The following FSTL4 variants were observed in gnomAD, a reference collection of about 807,000 sequenced individuals.
FSTL4 encodes follistatin-related protein 4.
FSTL4 carries 28 observed loss-of-function variants against 78.2 expected under a neutral mutation model. The observed-to-expected ratio is 0.36, with a 90% CI of 0.27 to 0.49. The LOEUF (loss-of-function observed/expected upper bound fraction) is 0.49, where lower values mean the gene tolerates loss of function less well. Ranked by LOEUF, FSTL4 falls within the 20% of genes least tolerant of loss-of-function variation. FSTL4 has a pLI of 0.98. For missense variants in FSTL4, 922 were observed against 1,084.9 expected (o/e 0.85, Z 2.11); for synonymous variants, 422 against 440.5 (o/e 0.96, Z 0.53).
intron 6 of FSTL4, among the ~76,000 whole-genome samples, chr5:133,262,947 G>A (rs1752567444): frequency 6.6e-6 from 1 of 152,046 alleles, no homozygotes; most frequent in Non-Finnish European, 1.5e-5. Flanking sequence ...CGGGGGGTGG[G>A]TGATAGAGGA....
chr5:133,787,556 A>ACCCCCCCCCCCCC, the FSTL4 span, among the ~76,000 whole-genome samples: 1 of 149,930 alleles, frequency 6.7e-6, no homozygotes, highest in African/African-American at 2.5e-5. Flanking sequence ...AAGGGAGGCC[A>ACCCCCCCCCCCCC]CCCTCCCCGC....
At chr5:133,774,034 T>C in the FSTL4 span, among the ~76,000 whole-genome samples, 1 of 152,184 alleles carries the variant, frequency 6.6e-6, no homozygotes, top group Non-Finnish European at 1.5e-5. Flanking sequence ...AGAGCAATGG[T>C]GATTATGAAA....
chr5:133,590,875 A>G (rs1760609641), intron 2 of FSTL4, among the ~76,000 whole-genome samples: 1 of 152,204 alleles, frequency 6.6e-6, no homozygotes, highest in Non-Finnish European at 1.5e-5. Flanking sequence ...GCATACTCCC[A>G]TGGTGAAAGG....
the FSTL4 span, among the ~76,000 whole-genome samples, chr5:133,740,786 T>C: frequency 1.3e-5 from 2 of 152,112 alleles, no homozygotes; most frequent in African/African-American, 4.8e-5. Flanking sequence ...ATTTCCTACT[T>C]CTGGGTGGCT....
Position 133,225,657 on chromosome 5 carries a change from C to G in FSTL4, c.1177+1G>C, listed in dbSNP as rs780611397. ...AGACGTCTACCAAGGGCAGTTCTTA[C>G]CTAAAAGGGAGAGCTGTTTGGACAT... On this transcript the variant is annotated splice_donor_variant, in intron 9 of 15. Coordinates refer to ENST00000265342, the MANE Select transcript of FSTL4 (RefSeq NM_015082.2). LOFTEE classifies it high-confidence loss of function. This position sits in a 1 kb window ranked among gnomAD's most constrained non-coding sequence, Gnocchi z 4.6. 1 of 1,583,896 alleles carries G rather than the reference C, an allele frequency of 6.3e-7. No homozygotes were observed. Among genetic ancestry groups the G allele is most frequent in the Non-Finnish European group, 8.6e-7 (1 of 1,165,740 alleles).
chr5:133,303,248 G>A (rs1233412590), intron 6 of FSTL4, among the ~76,000 whole-genome samples: 2 of 152,228 alleles, frequency 1.3e-5, no homozygotes, highest in Non-Finnish European at 2.9e-5. Context: ...GGCTAGAAGA[G>A]GTGCTCCTTA....
intron 3 of FSTL4, among the ~76,000 whole-genome samples, chr5:133,465,547 G>A (rs1757689756): frequency 6.6e-6 from 1 of 152,204 alleles, no homozygotes; most frequent in Admixed American, 6.5e-5. Context: ...AGGCAGACTA[G>A]CTCTGGGTTC....
chr5:133,278,207 C>A (rs1752930697), intron 6 of FSTL4, among the ~76,000 whole-genome samples: 1 of 152,172 alleles, frequency 6.6e-6, no homozygotes, highest in African/African-American at 2.4e-5. Context: ...CAAGAACGGC[C>A]AGTCTATAGG....
chr5:133,253,600 G>T (rs2126827180), intron 6 of FSTL4, among the ~76,000 whole-genome samples: 1 of 152,234 alleles, frequency 6.6e-6, no homozygotes, highest in Non-Finnish European at 1.5e-5. Flanking sequence ...AGCACCAATG[G>T]GTGCCAAGTC....
intron 2 of FSTL4, among the ~76,000 whole-genome samples, chr5:133,571,630 T>C (rs996743334): frequency 6.6e-6 from 1 of 152,104 alleles, no homozygotes; most frequent in Non-Finnish European, 1.5e-5. Context: ...CACCAAAATC[T>C]CCGAAATCAC....
At chr5:133,259,587 G>C (rs899271086) in intron 6 of FSTL4, among the ~76,000 whole-genome samples, 2 of 146,388 alleles carry the variant, frequency 1.4e-5, no homozygotes, top group Non-Finnish European at 3.0e-5. Context: ...GCACGATCTT[G>C]GCTCATGATC....
intron 14 of FSTL4, 167 bp downstream of exon 14, chr5:133,210,024 G>A: frequency 1.9e-6 from 1 of 533,872 alleles, no homozygotes; most frequent in South Asian, 2.7e-5. Context: ...AATTGCCTGT[G>A]AGGGGCATTG....
the FSTL4 span, among the ~76,000 whole-genome samples, chr5:133,763,938 G>C: frequency 2.0e-5 from 3 of 152,160 alleles, no homozygotes; most frequent in Admixed American, 2.0e-4. Flanking sequence ...CAGAGCCCAA[G>C]CCAGCCCAAG....
chr5:133,806,412 C>A, the FSTL4 span, among the ~76,000 whole-genome samples: 2 of 152,144 alleles, frequency 1.3e-5, no homozygotes, highest in Non-Finnish European at 2.9e-5. Context: ...TCTTTTATCA[C>A]CTTGCAAATG....
At chr5:133,397,714 C>T (rs1399346270) in intron 4 of FSTL4, among the ~76,000 whole-genome samples, 2 of 152,160 alleles carry the variant, frequency 1.3e-5, no homozygotes, top group Non-Finnish European at 2.9e-5. Context: ...CAGCACAACC[C>T]ATCACTTCTC....
intron 3 of FSTL4, among the ~76,000 whole-genome samples, chr5:133,404,810 G>A (rs557045466): frequency 2.4e-4 from 37 of 152,260 alleles, no homozygotes; most frequent in African/African-American, 7.7e-4. Flanking sequence ...AAGCCCCTCC[G>A]TTGTTCTCCC....
intron 4 of FSTL4, among the ~76,000 whole-genome samples, chr5:133,354,000 G>A (rs756748244): frequency 2.0e-4 from 31 of 152,210 alleles, no homozygotes; most frequent in South Asian, 4.1e-4. Context: ...TTGAAAACAG[G>A]CCCCTGCAGC....
intron 1 of FSTL4, among the ~76,000 whole-genome samples, chr5:133,604,209 G>A (rs1055076755): frequency 1.3e-5 from 2 of 152,222 alleles, no homozygotes; most frequent in Middle Eastern, 3.4e-3. Context: ...GCTTTTGTGA[G>A]GATTGAAGGA....
chr5:133,819,368 C>G, the FSTL4 span, among the ~76,000 whole-genome samples: 11 of 152,118 alleles, frequency 7.2e-5, no homozygotes, highest in South Asian at 6.2e-4. Flanking sequence ...AAGCCTCTGT[C>G]TGCTCCCTGC....
Sources: gnomAD v4.1 joint callset for allele counts (sites outside exome capture counted in the v4.1 genomes callset) on GRCh38, gnomAD v4.1.1 for gene constraint, Gnocchi (gnomAD v3.1) non-coding constraint, MANE v1.5 for transcripts, NCBI Gene and HGNC (gene_info 2026-07-23, HGNC 2026-07-21) for gene names.